ANKRD26: variants seen among roughly 807,000 people sequenced by gnomAD.
The protein encoded by ANKRD26 is ankyrin repeat domain-containing protein 26.
ANKRD26 carries 141 observed loss-of-function variants against 208.7 expected under a neutral mutation model. The ratio of observed to expected loss-of-function variants is 0.68; its 90% CI spans 0.59 to 0.78. ANKRD26 has a LOEUF of 0.78. Ranked by LOEUF, ANKRD26 falls within the 30% of genes least tolerant of loss-of-function variation. The pLI is 0.00. For synonymous variants in ANKRD26, 636 were observed against 660.4 expected, an observed-to-expected ratio of 0.96 and a Z score of 0.57; for missense variants, 1,889 against 1,938.7, an observed-to-expected ratio of 0.97 and a Z score of 0.48.
chr10:27,049,799 C>T (rs2054584282), intron 16 of ANKRD26, among the ~76,000 whole-genome samples: 1 of 152,150 alleles, frequency 6.6e-6, no homozygotes, highest in Non-Finnish European at 1.5e-5. Context: ...GATGATATAA[C>T]TCCATAATGC....
At chr10:27,089,248 CTG>C (rs2056218200) in intron 4 of ANKRD26, among the ~76,000 whole-genome samples, 1 of 152,212 alleles carries the variant, frequency 6.6e-6, no homozygotes, top group South Asian at 2.1e-4. Context: ...TAAAAGAGGA[CTG>C]TCTTCCTTGG....
chr10:27,030,689 G>C, intron 25 of ANKRD26: 1 of 710,786 alleles, frequency 1.4e-6, no homozygotes, highest in Non-Finnish European at 1.7e-6. Context: ...ACTAGATTAA[G>C]TGGTTTCTAC....
chr10:27,050,009 T>A (rs1424561232), intron 16 of ANKRD26, among the ~76,000 whole-genome samples: 1 of 151,132 alleles, frequency 6.6e-6, no homozygotes, highest in African/African-American at 2.4e-5. Context: ...GATCATGAGG[T>A]CAGGAGTTTA....
the ANKRD26 span, among the ~76,000 whole-genome samples, chr10:26,957,721 C>T: frequency 4.6e-5 from 7 of 152,222 alleles, no homozygotes; most frequent in South Asian, 1.5e-3. Context: ...CTGGTTTGCT[C>T]AGGAACAATT....
At chr10:27,049,119 G>T (rs925063070) in intron 16 of ANKRD26, 140 bp from the exon 17 acceptor site, 13 of 664,968 alleles carry the variant, frequency 2.0e-5, no homozygotes, top group Non-Finnish European at 3.0e-5. Context: ...TACTCTAATG[G>T]GATCATTGTA....
At chr10:26,991,114 TG>T (rs372328586), downstream of ANKRD26, among the ~76,000 whole-genome samples, 205 of 152,000 alleles carry the variant, frequency 1.3e-3, no homozygotes, top group African/African-American at 4.6e-3. Context: ...ACAACAAAAT[TG>T]GGGAGGTCAG....
chr10:26,998,570 G>A (rs886406657), intron 4 of ANKRD26, among the ~76,000 whole-genome samples: 4 of 152,236 alleles, frequency 2.6e-5, no homozygotes, highest in Non-Finnish European at 5.9e-5. Flanking sequence ...TTCTGATAAT[G>A]AGCTCAAATT....
the ANKRD26 span, among the ~76,000 whole-genome samples, chr10:26,948,172 C>T: frequency 2.6e-5 from 4 of 152,320 alleles, no homozygotes; most frequent in Non-Finnish European, 5.9e-5. Flanking sequence ...AACTCCTGAC[C>T]TCCAGTGATC....
chr10:27,025,008 T>C (rs1049093728), intron 27 of ANKRD26, among the ~76,000 whole-genome samples: 7 of 152,194 alleles, frequency 4.6e-5, no homozygotes, highest in African/African-American at 1.7e-4. Flanking sequence ...CTATCTCTCA[T>C]TCTCTATAAA....
At chr10:26,963,661 G>A in the ANKRD26 span, among the ~76,000 whole-genome samples, 7 of 152,048 alleles carry the variant, frequency 4.6e-5, no homozygotes, top group South Asian at 2.1e-4. Flanking sequence ...CAAAATCCGC[G>A]GTCCCTGATA....
chr10:26,951,013 C>CTTTTATTTTTTTTTTTTTTTTTTTTTT, the ANKRD26 span, among the ~76,000 whole-genome samples: 1 of 100,928 alleles, frequency 9.9e-6, no homozygotes. Flanking sequence ...CTTTTCTTTT[C>CTTTTATTTTTTTTTTTTTTTTTTTTTT]TTTTTCTTTT....
chr10:27,092,769 G>A (rs1202565199), intron 3 of ANKRD26, among the ~76,000 whole-genome samples: 1 of 152,046 alleles, frequency 6.6e-6, no homozygotes, highest in African/African-American at 2.4e-5. Flanking sequence ...TGTATTCATT[G>A]TATTGTTTCC....
At chr10:27,098,538 A>T (rs1056128959) in intron 1 of ANKRD26, among the ~76,000 whole-genome samples, 30 of 140,212 alleles carry the variant, frequency 2.1e-4, no homozygotes, top group Non-Finnish European at 1.2e-4. Context: ...GCCCAGAAAT[A>T]ACAAATTTTA....
chr10:27,100,243 G>A lies in ANKRD26; in HGVS notation c.84C>T (p.Gly28=), dbSNP rs1198585837. 1.2e-6 allele frequency: 2 copies of A among 1,611,240 alleles called. No individual in the cohort carries two copies. The highest frequency in any genetic ancestry group is 1.3e-5 in the African/African-American group (1 of 74,894). The change falls in exon 1 of 34, where the codon GGC becomes GGT. Residue 28 remains glycine, a synonymous_variant. Transcript: ENST00000376087. ...RRQRSSAGGG[G]EPGEGAYSQP... ...GCGAGTAGGCGCCCTCCCCCGGCTC[G>A]CCCCCGCCTCCCGCGCTGCTCCTCT...
intron 1 of ANKRD26, among the ~76,000 whole-genome samples, chr10:27,099,211 G>A (rs994291688): frequency 1.3e-5 from 2 of 151,834 alleles, no homozygotes; most frequent in African/African-American, 4.8e-5. Flanking sequence ...AGCTGGTCTC[G>A]AACTTCTGAC....
At chr10:27,046,118 CTCTCAG>C (rs1358895905) in intron 18 of ANKRD26, 1 of 475,812 alleles carries the variant, frequency 2.1e-6, no homozygotes, top group Non-Finnish European at 3.8e-6. Context: ...TACCTATTGC[CTCTCAG>C]TCCAAGTTCT....
chr10:27,050,240 A>AAG (rs2054604510), intron 16 of ANKRD26, among the ~76,000 whole-genome samples: 1 of 149,670 alleles, frequency 6.7e-6, no homozygotes, highest in Non-Finnish European at 1.5e-5. Context: ...AAAAAAAAAA[A>AAG]AAAAAAAGAA....
chr10:26,998,549 TG>T (rs2052647433), intron 4 of ANKRD26, among the ~76,000 whole-genome samples: 2 of 152,248 alleles, frequency 1.3e-5, no homozygotes, highest in Non-Finnish European at 2.9e-5. Context: ...CTGAATGACC[TG>T]GGTCATAGGT....
At chr10:26,999,435 G>A (rs890687537), downstream of ANKRD26, among the ~76,000 whole-genome samples, 4 of 152,162 alleles carry the variant, frequency 2.6e-5, no homozygotes, top group African/African-American at 9.7e-5. Context: ...CAGACCCAAA[G>A]TGTGCTGCTT....
Sources: allele counts gnomAD v4.1 joint callset (sites outside exome capture counted in the v4.1 genomes callset), GRCh38; gene constraint gnomAD v4.1.1; transcripts MANE v1.5; gene names NCBI Gene and HGNC (gene_info 2026-07-23, HGNC 2026-07-21).